Variants in NPAS3 observed in about 807,000 individuals in gnomAD.
NPAS3 encodes neuronal PAS domain protein 3, also known as neuronal PAS domain-containing protein 3.
A neutral mutation model predicts 73.1 loss-of-function variants in NPAS3; 14 were observed. That is an observed-to-expected ratio of 0.19 (90% CI 0.13 to 0.30). The LOEUF is 0.30. Ranked by LOEUF, NPAS3 falls within the 10% of genes least tolerant of loss-of-function variation. The pLI, the probability that NPAS3 is intolerant of heterozygous loss-of-function variation, is 1.00. For synonymous variants in NPAS3, 620 were observed against 541.5 expected, an observed-to-expected ratio of 1.14 and a Z score of -2.01; for missense variants, 1,096 against 1,250.0, an observed-to-expected ratio of 0.88 and a Z score of 1.86.
intron 5 of NPAS3, among the ~76,000 whole-genome samples, chr14:33,574,530 C>T (rs74448344): frequency 6.6e-6 from 1 of 151,974 alleles, no homozygotes; most frequent in Non-Finnish European, 1.5e-5. Flanking sequence ...ATGTATTCAA[C>T]AAATGTTGGC....
At chr14:33,658,095 T>A (rs1203386912) in intron 5 of NPAS3, among the ~76,000 whole-genome samples, 1 of 152,258 alleles carries the variant, frequency 6.6e-6, no homozygotes, top group East Asian at 1.9e-4. Flanking sequence ...GCTGCCACTC[T>A]TATAATAAGT....
intron 4 of NPAS3, among the ~76,000 whole-genome samples, chr14:33,385,033 C>T (rs544897704): frequency 2.0e-5 from 3 of 152,274 alleles, no homozygotes; most frequent in South Asian, 2.1e-4. Flanking sequence ...CAGGAGGACA[C>T]GTCATTGTGA....
chr14:32,983,241 T>A (rs1450435662), intron 1 of NPAS3, among the ~76,000 whole-genome samples: 1 of 152,166 alleles, frequency 6.6e-6, no homozygotes, highest in Non-Finnish European at 1.5e-5. Context: ...AGGGTTTACA[T>A]CCCTGAAAAA....
rs34380538 is a variant in NPAS3 at position 32,964,160 on chromosome 14, TAAAAAAA to T, written c.50+24813_50+24819del. 1.9e-4 allele frequency among the ~76,000 whole-genome samples: 14 copies of T among 75,448 alleles called. No homozygotes were observed. In the Admixed American group the frequency reaches 2.2e-3, roughly 12 times the overall value. The allele number at this position is 75,448 out of a possible 152,430, so 49.5% of individuals were successfully genotyped here. On this transcript the variant is annotated intron_variant, in intron 1 of 11. Coordinates refer to ENST00000356141, the Ensembl canonical transcript of NPAS3. Reference sequence around the variant, plus strand: ...GCTTTTGTTCTACATTTTGCTGCACTAAAAAAAAAAAAAAAAAAAAAAAAAGAGAACA... The same window carrying T: ...GCTTTTGTTCTACATTTTGCTGCACTAAAAAAAAAAAAAAAAAAGAGAACA...
chr14:33,652,069 C>T (rs1174809904), intron 5 of NPAS3, among the ~76,000 whole-genome samples: 2 of 152,146 alleles, frequency 1.3e-5, no homozygotes, highest in Non-Finnish European at 2.9e-5. Flanking sequence ...AAATCAAAAG[C>T]TGTGCTTTGG....
At chr14:32,954,286 T>C (rs8021662) in intron 1 of NPAS3, among the ~76,000 whole-genome samples, 3,795 of 152,270 alleles carry the variant, frequency 0.025, 149 homozygotes, top group African/African-American at 0.086. Context: ...TTATCACTGT[T>C]GGTGTTTGTC....
chr14:32,946,511 C>T (rs750051491), intron 1 of NPAS3, among the ~76,000 whole-genome samples: 2 of 151,998 alleles, frequency 1.3e-5, no homozygotes, highest in Non-Finnish European at 2.9e-5. Flanking sequence ...AACTTTGTAG[C>T]GTGTGATGTG....
chr14:33,270,324 T>C (rs1001503591), intron 3 of NPAS3, among the ~76,000 whole-genome samples: 2 of 151,996 alleles, frequency 1.3e-5, no homozygotes, highest in African/African-American at 2.4e-5. Flanking sequence ...GAAGGGGTAG[T>C]AGAAAGGCAC....
intron 6 of NPAS3, among the ~76,000 whole-genome samples, chr14:33,676,911 A>T (rs781262168): frequency 6.6e-6 from 1 of 152,222 alleles, no homozygotes; most frequent in Non-Finnish European, 1.5e-5. Context: ...CTGCCTTTCT[A>T]CCCTCAGTAT....
intron 6 of NPAS3, among the ~76,000 whole-genome samples, chr14:33,692,657 A>G (rs1199640027): frequency 6.6e-6 from 1 of 152,094 alleles, no homozygotes; most frequent in Admixed American, 6.6e-5. Flanking sequence ...GGTCTTCCAA[A>G]GATATATGAA....
intron 5 of NPAS3, among the ~76,000 whole-genome samples, chr14:33,667,911 T>A (rs1449123490): frequency 6.6e-6 from 1 of 152,180 alleles, no homozygotes; most frequent in Non-Finnish European, 1.5e-5. Flanking sequence ...TTCCAAGATT[T>A]TTTTTTTAAT....
At chr14:33,677,392 C>T (rs1166726009) in intron 6 of NPAS3, among the ~76,000 whole-genome samples, 4 of 152,066 alleles carry the variant, frequency 2.6e-5, no homozygotes, top group Admixed American at 2.0e-4. Flanking sequence ...ATTTGAAGTG[C>T]AAAGTTGTAT....
chr14:33,059,930 GC>G (rs1238757216), intron 2 of NPAS3, among the ~76,000 whole-genome samples: 3 of 151,888 alleles, frequency 2.0e-5, no homozygotes, highest in Admixed American at 6.6e-5. Flanking sequence ...ACAGGTGCAT[GC>G]CCCCATGTCT....
intron 4 of NPAS3, among the ~76,000 whole-genome samples, chr14:33,461,512 GT>G (rs2050264281): frequency 6.6e-6 from 1 of 152,164 alleles, no homozygotes; most frequent in African/African-American, 2.4e-5. Flanking sequence ...TTCACGAAAG[GT>G]TTTTATAAAA....
intron 4 of NPAS3, among the ~76,000 whole-genome samples, chr14:33,390,211 T>C (rs939290193): frequency 2.0e-5 from 3 of 152,310 alleles, no homozygotes; most frequent in Admixed American, 1.3e-4. Flanking sequence ...TTTGATATGA[T>C]TGTATTTTAT....
At chr14:33,464,158 T>C (rs868382827) in intron 4 of NPAS3, among the ~76,000 whole-genome samples, 1 of 152,212 alleles carries the variant, frequency 6.6e-6, no homozygotes, top group Non-Finnish European at 1.5e-5. Context: ...ACTGCAGTTA[T>C]GGATTTGCTT....
intron 6 of NPAS3, among the ~76,000 whole-genome samples, chr14:33,708,823 G>T (rs1381600200): frequency 6.6e-6 from 1 of 152,136 alleles, no homozygotes; most frequent in African/African-American, 2.4e-5. Flanking sequence ...TCATTCCAGG[G>T]CTCAGCATAT....
intron 5 of NPAS3, among the ~76,000 whole-genome samples, chr14:33,582,970 G>GTTTTTTGTTTTTTTTTTTTT (rs1555416781): frequency 1.1e-5 from 1 of 93,304 alleles, no homozygotes; most frequent in Non-Finnish European, 1.8e-5. Flanking sequence ...TATTTAAAGG[G>GTTTTTTGTTTTTTTTTTTTT]TTTTTTTTTT....
chr14:33,483,211 T>C (rs111316216), intron 4 of NPAS3, among the ~76,000 whole-genome samples: 409 of 152,222 alleles, frequency 2.7e-3, no homozygotes, highest in African/African-American at 9.0e-3. Context: ...TAGAAACAAG[T>C]GAACAGAAAA....
Sources: allele counts gnomAD v4.1 joint callset (sites outside exome capture counted in the v4.1 genomes callset), GRCh38; gene constraint gnomAD v4.1.1; transcripts MANE v1.5; gene names NCBI Gene and HGNC (gene_info 2026-07-23, HGNC 2026-07-21).